Variants in NDST3 observed in about 807,000 individuals in gnomAD.
NDST3 encodes bifunctional heparan sulfate N-deacetylase/N-sulfotransferase 3.
A neutral mutation model predicts 96.1 loss-of-function variants in NDST3; 58 were observed. The ratio of observed to expected loss-of-function variants is 0.60; its 90% CI spans 0.49 to 0.75. NDST3 has a LOEUF of 0.75. Ranked by LOEUF, NDST3 falls within the 30% of genes least tolerant of loss-of-function variation. The pLI, the probability that NDST3 is intolerant of heterozygous loss-of-function variation, is 0.00. For missense variants in NDST3, 788 were observed against 1,034.2 expected, an observed-to-expected ratio of 0.76 and a Z score of 3.27; for synonymous variants, 333 against 359.7, an observed-to-expected ratio of 0.93 and a Z score of 0.84.
intron 6 of NDST3, among the ~76,000 whole-genome samples, chr4:118,171,558 C>G (rs1735953303): frequency 6.6e-6 from 1 of 152,140 alleles, no homozygotes; most frequent in South Asian, 2.1e-4. Flanking sequence ...TGAGCGACCT[C>G]ACTTCCCTGT....
intron 12 of NDST3, among the ~76,000 whole-genome samples, chr4:118,250,567 C>A (rs1483362802): frequency 6.6e-6 from 1 of 152,030 alleles, no homozygotes; most frequent in Non-Finnish European, 1.5e-5. Flanking sequence ...TCACCGCAAC[C>A]TCTGCCCCCC....
intron 6 of NDST3, among the ~76,000 whole-genome samples, chr4:118,145,963 T>A (rs1174737428): frequency 6.6e-6 from 1 of 152,214 alleles, no homozygotes; most frequent in Non-Finnish European, 1.5e-5. Context: ...TCAGCCCACA[T>A]CTAGCCGGAG....
intron 9 of NDST3, among the ~76,000 whole-genome samples, chr4:118,234,476 A>G (rs1740511389): frequency 6.6e-6 from 1 of 152,134 alleles, no homozygotes; most frequent in South Asian, 2.1e-4. Flanking sequence ...ACTCAAATAT[A>G]CATGCCAGTA....
intron 6 of NDST3, among the ~76,000 whole-genome samples, chr4:118,192,635 G>A (rs1340513669): frequency 6.6e-6 from 1 of 151,744 alleles, no homozygotes; most frequent in Admixed American, 6.6e-5. Context: ...CTGTTTCATT[G>A]ATGTATTTGT....
chr4:118,156,338 G>C (rs1668846441), intron 6 of NDST3, among the ~76,000 whole-genome samples: 1 of 152,110 alleles, frequency 6.6e-6, no homozygotes, highest in South Asian at 2.1e-4. Context: ...TTTCTCCTCT[G>C]TGTTCTCATG....
chr4:118,241,895 G>A, intron 11 of NDST3, 145 bp from the exon 12 acceptor site: 2 of 515,140 alleles, frequency 3.9e-6, no homozygotes, highest in Non-Finnish European at 7.0e-6. Flanking sequence ...CATTAATGAG[G>A]ATGACCTGGA....
intron 2 of NDST3, among the ~76,000 whole-genome samples, chr4:118,087,105 T>A (rs1560633050): frequency 6.6e-6 from 1 of 152,126 alleles, no homozygotes; most frequent in Non-Finnish European, 1.5e-5. Flanking sequence ...GGTTTAAATC[T>A]TCCATTTAAC....
chr4:118,149,093 T>G (rs1329752836), intron 6 of NDST3, among the ~76,000 whole-genome samples: 2 of 152,168 alleles, frequency 1.3e-5, no homozygotes, highest in Non-Finnish European at 2.9e-5. Context: ...CTGAGGGCTC[T>G]GTTCTGTTCC....
chr4:118,061,863 C>T (rs1353747339), intron 2 of NDST3, among the ~76,000 whole-genome samples: 3 of 152,096 alleles, frequency 2.0e-5, no homozygotes, highest in Non-Finnish European at 2.9e-5. Context: ...ATCAGGCAGC[C>T]TCCCGAGCCA....
At chr4:118,055,103 G>A in intron 2 of NDST3, 1 of 623,750 alleles carries the variant, frequency 1.6e-6, no homozygotes, top group Non-Finnish European at 2.8e-6. Context: ...AAAAGATTGA[G>A]TGTGGCAGGA....
intron 6 of NDST3, among the ~76,000 whole-genome samples, chr4:118,196,944 G>GTT (rs59055512): frequency 5.5e-5 from 7 of 127,586 alleles, no homozygotes; most frequent in Admixed American, 7.7e-5. Flanking sequence ...TTTATTTGAA[G>GTT]TTTTTTTTTT....
Position 118,257,825 on chromosome 4 carries a change from T to G in NDST3, c.*2113T>G, listed in dbSNP as rs1337256586. The stretch of plus-strand genomic sequence containing the variant: ...ACAAATATGGGAAACACAGTCTTCA[T>G]GCTTACTGCTGTCTCTTTTATAGCA... On this transcript the variant is annotated 3_prime_UTR_variant, in exon 14 of 14. Coordinates refer to ENST00000296499, the MANE Select transcript of NDST3 (RefSeq NM_004784.3). 3 of 152,232 alleles carry G rather than the reference T, an allele frequency of 2.0e-5. No homozygotes were observed. The highest frequency in any genetic ancestry group is 4.8e-5 in the African/African-American group (2 of 41,466). The allele number at this position is 152,232 out of a possible 1,614,324, so 9.4% of individuals were successfully genotyped here. A position where few individuals can be genotyped will look rare whatever the true frequency, so the allele number is the denominator to read the frequency against.
intron 6 of NDST3, among the ~76,000 whole-genome samples, chr4:118,163,536 G>A (rs1195441795): frequency 6.6e-6 from 1 of 151,954 alleles, no homozygotes; most frequent in South Asian, 2.1e-4. Flanking sequence ...TCACTCATAG[G>A]TGGGAACTGA....
chr4:118,202,687 G>A (rs957296229), intron 6 of NDST3, among the ~76,000 whole-genome samples: 1 of 152,152 alleles, frequency 6.6e-6, no homozygotes, highest in African/African-American at 2.4e-5. Flanking sequence ...CTTTACTAAA[G>A]GTGTTTATCT....
chr4:118,114,976 T>C lies in NDST3; in HGVS notation c.1224+16T>C, dbSNP rs11947605. 9,439 of 1,613,210 alleles carry C rather than the reference T, an allele frequency of 5.9e-3. 448 individuals are homozygous for C. In the African/African-American group the frequency reaches 0.11, roughly 18 times the overall value. ...ATTTGCCTTAGTAAGTAACTCACTT[T>C]GTTGCATTGAAGTAGTGTACACTGA... On this transcript the variant is annotated intron_variant, in intron 4 of 13. Transcript: ENST00000296499.
intron 4 of NDST3, among the ~76,000 whole-genome samples, chr4:118,119,028 A>G (rs1221632449): frequency 1.3e-5 from 2 of 152,186 alleles, no homozygotes; most frequent in Non-Finnish European, 2.9e-5. Context: ...ATCAGATGAT[A>G]CTTAATGCTT....
At chr4:118,151,034 A>G (rs576517796) in intron 6 of NDST3, among the ~76,000 whole-genome samples, 29 of 152,148 alleles carry the variant, frequency 1.9e-4, no homozygotes, top group Admixed American at 1.6e-3. Flanking sequence ...TGGCACATAT[A>G]CACCATGGAA....
intron 4 of NDST3, among the ~76,000 whole-genome samples, chr4:118,116,635 A>ATC (rs1731149321): frequency 6.6e-6 from 1 of 152,142 alleles, no homozygotes; most frequent in Non-Finnish European, 1.5e-5. Flanking sequence ...AGGTGGGCGG[A>ATC]TCACGAGGTC....
At chr4:118,219,558 T>G (rs1022280538) in intron 6 of NDST3, among the ~76,000 whole-genome samples, 1 of 152,062 alleles carries the variant, frequency 6.6e-6, no homozygotes, top group African/African-American at 2.4e-5. Flanking sequence ...AAGACTTAAG[T>G]GTAAAATCCA....
Sources: gnomAD v4.1 joint callset for allele counts (sites outside exome capture counted in the v4.1 genomes callset) on GRCh38, gnomAD v4.1.1 for gene constraint, MANE v1.5 for transcripts, NCBI Gene and HGNC (gene_info 2026-07-23, HGNC 2026-07-21) for gene names.